The following DOCK2 variants were observed in gnomAD, a reference collection of about 807,000 sequenced individuals.
The protein encoded by DOCK2 is dedicator of cytokinesis 2, also known as dedicator of cytokinesis protein 2.
Under a neutral mutation model 248.9 loss-of-function variants are expected in DOCK2, and 87 were observed. The ratio of observed to expected loss-of-function variants is 0.35; its 90% CI spans 0.29 to 0.42. The LOEUF is 0.42. Ranked by LOEUF, DOCK2 falls within the 10% of genes least tolerant of loss-of-function variation. The pLI, the probability that DOCK2 is intolerant of heterozygous loss-of-function variation, is 1.00. For synonymous variants in DOCK2, 805 were observed against 821.6 expected, an observed-to-expected ratio of 0.98 and a Z score of 0.35; for missense variants, 1,747 against 2,300.2, an observed-to-expected ratio of 0.76 and a Z score of 4.92.
intron 27 of DOCK2, among the ~76,000 whole-genome samples, chr5:169,924,266 AG>A (rs1180657861): frequency 6.6e-6 from 1 of 152,218 alleles, no homozygotes; most frequent in African/African-American, 2.4e-5. Context: ...AAATGAGGTC[AG>A]GCCAAGAGAC....
chr5:169,651,588 C>T lies in DOCK2; in HGVS notation c.44-2815C>T, dbSNP rs560795931. On this transcript the variant is annotated intron_variant, in intron 1 of 51. Coordinates refer to ENST00000520908, the MANE Select transcript of DOCK2 (RefSeq NM_004946.3). ...CCTGGTTTTCTTCTGTTGGAAGCCTCAGTTGCTTCCACCATCCTGTCCAGT... is the reference window on the plus strand; with the variant it reads ...CCTGGTTTTCTTCTGTTGGAAGCCTTAGTTGCTTCCACCATCCTGTCCAGT... 3.8e-3 allele frequency among the ~76,000 whole-genome samples: 579 copies of T among 152,308 alleles called. 4 individuals are homozygous for T. The highest frequency in any genetic ancestry group is 0.019 in the South Asian group (94 of 4,828).
intron 27 of DOCK2, among the ~76,000 whole-genome samples, chr5:169,943,765 C>G (rs1776334244): frequency 6.6e-6 from 1 of 152,158 alleles, no homozygotes; most frequent in Non-Finnish European, 1.5e-5. Context: ...CCTACTGATT[C>G]AGAACAGTTG....
Position 170,083,107 on chromosome 5 carries a change from G to A in DOCK2, c.*249G>A. 1 of 507,534 alleles carries A rather than the reference G, an allele frequency of 2.0e-6. No individual in the cohort carries two copies. The highest frequency in any genetic ancestry group is 3.5e-6 in the Non-Finnish European group (1 of 284,024). 31.4% of individuals were successfully genotyped at this position (507,534 alleles called of 1,614,324 possible). On this transcript the variant is annotated 3_prime_UTR_variant, in exon 52 of 52. Coordinates refer to ENST00000520908, the MANE Select transcript of DOCK2 (RefSeq NM_004946.3). ...ATTCCTGAACTCAAGGTACCAGCAA[G>A]AATGCCTTCTCCCAGTGTGCTCTCC... is the stretch of plus-strand genomic sequence containing the variant.
At chr5:169,683,769 A>C (rs1007468993) in intron 7 of DOCK2, among the ~76,000 whole-genome samples, 2 of 151,998 alleles carry the variant, frequency 1.3e-5, no homozygotes, top group African/African-American at 4.8e-5. Context: ...TACCCATTTT[A>C]ATTGGGTTAT....
intron 25 of DOCK2, among the ~76,000 whole-genome samples, chr5:169,796,293 C>T (rs1005226620): frequency 3.3e-5 from 5 of 152,224 alleles, no homozygotes; most frequent in African/African-American, 9.6e-5. Context: ...AAGCATTTCC[C>T]TAGCAGGGAT....
Position 169,890,160 on chromosome 5 carries a change from A to G in DOCK2, c.2799+49308A>G, listed in dbSNP as rs147133420. Among the ~76,000 whole-genome samples the G allele has an allele frequency of 9.6e-3, 1,464 of 152,334 alleles. 9 individuals are homozygous for G. Among genetic ancestry groups the G allele is most frequent in the Middle Eastern group, 0.017 (5 of 294 alleles). ...GCTGCCAGCCTCGGGGCTCTGGTGG[A>G]GACCCCGACTCTTCCTCCATTTAGC... On this transcript the variant is annotated intron_variant, in intron 27 of 51. Coordinates refer to ENST00000520908, the MANE Select transcript of DOCK2 (RefSeq NM_004946.3).
intron 24 of DOCK2, 157 bp from the exon 25 acceptor site, chr5:169,761,362 C>A (rs1395413855): frequency 3.1e-6 from 2 of 641,062 alleles, no homozygotes; most frequent in Non-Finnish European, 5.6e-6. Context: ...CCAAGAACAA[C>A]TTGTACATTT....
chr5:170,042,038 A>T lies in DOCK2; in HGVS notation c.3782A>T (p.Gln1261Leu). The T allele has an allele frequency of 1.2e-6, 2 of 1,613,562 alleles. No individual in the cohort carries two copies. Among genetic ancestry groups the T allele is most frequent in the Non-Finnish European group, 1.7e-6 (2 of 1,179,732 alleles). ...LKWSDEQCAS[Q>L]VMQTGQQHPQ... ...TGGTCGGATGAGCAGTGTGCATCACAGGTCATGCAGACAGGCCAGCAGCAC... is the reference window on the plus strand; with the variant it reads ...TGGTCGGATGAGCAGTGTGCATCACTGGTCATGCAGACAGGCCAGCAGCAC... Residue 1261 changes from glutamine to leucine, a missense_variant, in exon 38 of 52, where the codon CAG (glutamine) becomes CTG (leucine). Coordinates refer to ENST00000520908, the MANE Select transcript of DOCK2 (RefSeq NM_004946.3).
intron 22 of DOCK2, among the ~76,000 whole-genome samples, chr5:169,736,240 C>T (rs562673960): frequency 2.0e-5 from 3 of 152,240 alleles, no homozygotes; most frequent in East Asian, 1.9e-4. Flanking sequence ...TTTCACCCCT[C>T]GTGGCTTGCT....
chr5:170,058,760 T>G (rs113105980), intron 44 of DOCK2, among the ~76,000 whole-genome samples: 4 of 152,302 alleles, frequency 2.6e-5, no homozygotes, highest in African/African-American at 9.6e-5. Flanking sequence ...AGGAGGGACG[T>G]GGTCTGACTT....
Position 169,714,577 on chromosome 5 carries a change from G to C in DOCK2, c.1941+120G>C. 1.9e-6 allele frequency: 2 copies of C among 1,044,556 alleles called. 1 individual carries two copies. The highest frequency in any genetic ancestry group is 3.2e-5 in the South Asian group (2 of 63,204). 64.7% of individuals were successfully genotyped at this position (1,044,556 alleles called of 1,614,324 possible). ...GGGGAAACTTTTCTTCCAACAGTAG[G>C]ATACACTCTCCCGAGTTGCCTTGAG... On this transcript the variant is annotated intron_variant, in intron 19 of 51. Transcript: ENST00000520908.
At chr5:169,846,244 G>A (rs1770295019) in intron 27 of DOCK2, among the ~76,000 whole-genome samples, 1 of 152,108 alleles carries the variant, frequency 6.6e-6, no homozygotes, top group Non-Finnish European at 1.5e-5. Flanking sequence ...ATTAGTGACA[G>A]TTTTTTTCTT....
chr5:169,880,429 C>G (rs892675828), intron 27 of DOCK2, among the ~76,000 whole-genome samples: 1 of 152,188 alleles, frequency 6.6e-6, no homozygotes, highest in Non-Finnish European at 1.5e-5. Context: ...TGCTCAGGCC[C>G]TAAGCTGCCA....
intron 13 of DOCK2, 130 bp from the exon 14 acceptor site, chr5:169,702,173 G>A (rs1761006859): frequency 8.4e-7 from 1 of 1,189,988 alleles, no homozygotes. Context: ...CTTTCTCTAA[G>A]CAATTCTGAT....
chr5:169,898,528 A>AAACAACAACAAC (rs36216194), intron 27 of DOCK2, among the ~76,000 whole-genome samples: 1 of 151,130 alleles, frequency 6.6e-6, no homozygotes, highest in Non-Finnish European at 1.5e-5. Context: ...CACACACACA[A>AAACAACAACAAC]AACAACAACA....
At chr5:169,795,661 T>C (rs1431005904) in intron 25 of DOCK2, among the ~76,000 whole-genome samples, 1 of 152,222 alleles carries the variant, frequency 6.6e-6, no homozygotes, top group Admixed American at 6.5e-5. Context: ...TGAGAACAAA[T>C]TGCTAACTGT....
chr5:169,870,243 G>A (rs969317148), intron 27 of DOCK2, among the ~76,000 whole-genome samples: 1 of 152,122 alleles, frequency 6.6e-6, no homozygotes, highest in African/African-American at 2.4e-5. Flanking sequence ...TTCCCTCTTG[G>A]GGGTACCTCA....
chr5:170,066,828 G>T (rs1050863614), intron 44 of DOCK2, among the ~76,000 whole-genome samples: 3 of 152,262 alleles, frequency 2.0e-5, no homozygotes, highest in South Asian at 2.1e-4. Flanking sequence ...TACAATAACA[G>T]AGTTGAGTAG....
At chr5:169,959,254 G>C (rs759809802) in intron 27 of DOCK2, among the ~76,000 whole-genome samples, 1 of 151,954 alleles carries the variant, frequency 6.6e-6, no homozygotes, top group Non-Finnish European at 1.5e-5. Flanking sequence ...ATAGCTGGGC[G>C]TGGTGGTGCA....
Sources: allele counts gnomAD v4.1 joint callset (sites outside exome capture counted in the v4.1 genomes callset), GRCh38; gene constraint gnomAD v4.1.1; transcripts MANE v1.5; gene names NCBI Gene and HGNC (gene_info 2026-07-23, HGNC 2026-07-21).